ABCG1: variants seen among roughly 807,000 people sequenced by gnomAD.
ABCG1 encodes the protein ATP-binding cassette sub-family G member 1.
A neutral mutation model predicts 69.2 loss-of-function variants in ABCG1; 29 were observed. The observed-to-expected ratio is 0.42, with a 90% CI of 0.31 to 0.57. The LOEUF (loss-of-function observed/expected upper bound fraction) is 0.57. Ranked by LOEUF, ABCG1 falls within the 20% of genes least tolerant of loss-of-function variation. The pLI is 0.15. For synonymous variants in ABCG1, 370 were observed against 374.8 expected, an observed-to-expected ratio of 0.99 and a Z score of 0.15; for missense variants, 718 against 898.1, an observed-to-expected ratio of 0.80 and a Z score of 2.56.
At chr21:42,239,643 G>A (rs2068022829) in intron 2 of ABCG1, among the ~76,000 whole-genome samples, 1 of 152,210 alleles carries the variant, frequency 6.6e-6, no homozygotes, top group South Asian at 2.1e-4. Context: ...GTAAGTAGCA[G>A]AGCCAAGAGG....
At chr21:42,212,786 C>T (rs553484185), upstream of ABCG1, among the ~76,000 whole-genome samples, 158 of 151,656 alleles carry the variant, frequency 1.0e-3, no homozygotes, top group African/African-American at 3.6e-3. Context: ...CTCCGCTTCC[C>T]GGGTTCACAC....
chr21:42,280,723 A>T (rs1303316216), intron 5 of ABCG1, among the ~76,000 whole-genome samples: 1 of 152,134 alleles, frequency 6.6e-6, no homozygotes, highest in Non-Finnish European at 1.5e-5. Flanking sequence ...GTGAGGGTGG[A>T]GGGAGAGAAG....
At chr21:42,253,046 A>T (rs959963339) in intron 2 of ABCG1, among the ~76,000 whole-genome samples, 1 of 152,154 alleles carries the variant, frequency 6.6e-6, no homozygotes, top group Non-Finnish European at 1.5e-5. Context: ...CCGCATTAGC[A>T]CACAGGGAGG....
rs146511388 is a variant in ABCG1, at chr21:42,289,689, T to C, written c.1225-361T>C. On this transcript the variant is annotated intron_variant, in intron 10 of 14. Transcript: ENST00000398449. ...AGCAGAGTTCTTAGAGCCTCTGATA[T>C]AGCCACTTTTCCCTCACCATTGTTT... 3.9e-5 allele frequency among the ~76,000 whole-genome samples: 6 copies of C among 152,332 alleles called. No individual in the cohort carries two copies. The East Asian group carries it at 1.2e-3, about 29-fold the overall frequency.
chr21:42,212,968 C>T (rs1371924152), upstream of ABCG1, among the ~76,000 whole-genome samples: 1 of 152,206 alleles, frequency 6.6e-6, no homozygotes, highest in Admixed American at 6.5e-5. Flanking sequence ...GCTGGGATTA[C>T]AGGCATGAGC....
At chr21:42,254,871 C>G (rs1016152897) in intron 2 of ABCG1, among the ~76,000 whole-genome samples, 5 of 152,306 alleles carry the variant, frequency 3.3e-5, no homozygotes, top group Admixed American at 6.5e-5. Flanking sequence ...GGGAGTGTAG[C>G]GCAGCTGGGC....
rs865904730 is a variant in ABCG1, at chr21:42,259,323, G to A, written c.287-11747G>A. 4.0e-5 allele frequency: 62 copies of A among 1,548,378 alleles called. No individual in the cohort carries two copies. The Middle Eastern group carries it at 3.2e-3, about 79-fold the overall frequency. On this transcript the variant is annotated intron_variant, in intron 2 of 14. Coordinates refer to ENST00000398449, the MANE Select transcript of ABCG1 (RefSeq NM_016818.3). Reference sequence around the variant, plus strand: ...AAGTTTTGTTGCAGTAGCCACAGCCGTGCATGTACAGGTGGCAGCTTTAGC... The same window carrying A: ...AAGTTTTGTTGCAGTAGCCACAGCCATGCATGTACAGGTGGCAGCTTTAGC...
intron 2 of ABCG1, among the ~76,000 whole-genome samples, chr21:42,257,938 C>T (rs1002799098): frequency 2.1e-4 from 32 of 150,764 alleles, no homozygotes; most frequent in Non-Finnish European, 3.8e-4. Context: ...TTCCCATCCA[C>T]TCCATCAGCC....
chr21:42,202,357 G>T (rs1470570802), intron 2 of ABCG1, among the ~76,000 whole-genome samples: 1 of 152,118 alleles, frequency 6.6e-6, no homozygotes, highest in East Asian at 1.9e-4. Flanking sequence ...GAGTGCCTTT[G>T]TGCATGTATC....
chr21:42,220,958 G>T (rs796119281), intron 1 of ABCG1, among the ~76,000 whole-genome samples: 15 of 152,252 alleles, frequency 9.9e-5, no homozygotes, highest in African/African-American at 3.4e-4. Flanking sequence ...GAAAAATAAT[G>T]AATCCGATGT....
intron 2 of ABCG1, among the ~76,000 whole-genome samples, chr21:42,263,310 AC>A (rs1459671035): frequency 7.2e-5 from 11 of 152,064 alleles, no homozygotes. Flanking sequence ...AAGGGAGGAA[AC>A]CGTCTTTTTT....
At chr21:42,216,625 C>T (rs1156579905), upstream of ABCG1, among the ~76,000 whole-genome samples, 2 of 152,296 alleles carry the variant, frequency 1.3e-5, no homozygotes, top group Middle Eastern at 3.4e-3. Flanking sequence ...CTGGGGAGGC[C>T]AGAGCCGTGG....
chr21:42,252,424 C>T (rs570777355), intron 2 of ABCG1, among the ~76,000 whole-genome samples: 58 of 152,216 alleles, frequency 3.8e-4, no homozygotes, highest in African/African-American at 1.2e-3. Flanking sequence ...TGTGTGTGGA[C>T]GGGCCAAGTG....
Position 42,264,881 on chromosome 21 carries a change from T to A in ABCG1, c.287-6189T>A, listed in dbSNP as rs934334717. On this transcript the variant is annotated intron_variant, in intron 2 of 14. Coordinates refer to ENST00000398449, the MANE Select transcript of ABCG1 (RefSeq NM_016818.3). Reference sequence around the variant, plus strand: ...GGGCACGTGCATGGGGAGGGTTGGGTCTTGGGAAGCCTTGACAACACCAGG... The same window carrying A: ...GGGCACGTGCATGGGGAGGGTTGGGACTTGGGAAGCCTTGACAACACCAGG... 2.6e-5 allele frequency among the ~76,000 whole-genome samples: 4 copies of A among 151,834 alleles called. 1 individual carries two copies. Among genetic ancestry groups the A allele is most frequent in the Admixed American group, 1.3e-4 (2 of 15,272 alleles).
chr21:42,290,535 C>G (rs1324394308), intron 11 of ABCG1, among the ~76,000 whole-genome samples: 1 of 152,200 alleles, frequency 6.6e-6, no homozygotes, highest in Non-Finnish European at 1.5e-5. Context: ...TTACCTAGTT[C>G]AATTGTTAAG....
At chr21:42,292,780 A>G (rs969519261) in intron 13 of ABCG1, among the ~76,000 whole-genome samples, 7 of 145,038 alleles carry the variant, frequency 4.8e-5, no homozygotes, top group Non-Finnish European at 1.1e-4. Context: ...ACACCACACT[A>G]CACACCATAC....
At chr21:42,255,825 C>G (rs1301091140) in intron 2 of ABCG1, among the ~76,000 whole-genome samples, 1 of 152,186 alleles carries the variant, frequency 6.6e-6, no homozygotes, top group African/African-American at 2.4e-5. Flanking sequence ...CCTGCCGTGG[C>G]CTCTCGGGCT....
upstream of ABCG1, among the ~76,000 whole-genome samples, chr21:42,213,379 G>A (rs949114891): frequency 6.6e-6 from 1 of 152,226 alleles, no homozygotes; most frequent in African/African-American, 2.4e-5. Flanking sequence ...GTGTGTAGAG[G>A]GTAGGAGCTA....
intron 10 of ABCG1, among the ~76,000 whole-genome samples, chr21:42,289,847 T>G (rs1242745952): frequency 6.6e-6 from 1 of 152,132 alleles, no homozygotes; most frequent in Non-Finnish European, 1.5e-5. Flanking sequence ...TGAGCAGGCG[T>G]GTATGTGTGT....
Sources: allele counts gnomAD v4.1 joint callset (sites outside exome capture counted in the v4.1 genomes callset), GRCh38; gene constraint gnomAD v4.1.1; transcripts MANE v1.5; gene names NCBI Gene and HGNC (gene_info 2026-07-23, HGNC 2026-07-21).